Variants in USP34 observed in about 807,000 individuals in gnomAD.
USP34 encodes ubiquitin carboxyl-terminal hydrolase 34.
USP34 carries 70 observed loss-of-function variants against 460.3 expected under a neutral mutation model. That is an observed-to-expected ratio of 0.15 (90% CI 0.13 to 0.19). USP34 has a LOEUF of 0.19. Ranked by LOEUF, USP34 falls within the 10% of genes least tolerant of loss-of-function variation. USP34 has a pLI of 1.00. For missense variants in USP34, 3,985 were observed against 4,236.2 expected (o/e 0.94, Z 1.65); for synonymous variants, 1,647 against 1,405.3 (o/e 1.17, Z -3.85).
chr2:61,293,409 G>T, intron 33 of USP34, 55 bp downstream of exon 33: 1 of 1,340,016 alleles, frequency 7.5e-7, no homozygotes, highest in South Asian at 1.3e-5. Context: ...TGAAATGGAA[G>T]TATTTCAAAT....
intron 20 of USP34, among the ~76,000 whole-genome samples, chr2:61,327,735 G>A (rs1009650894): frequency 9.9e-5 from 15 of 152,056 alleles, no homozygotes; most frequent in African/African-American, 3.6e-4. Context: ...AGATCTCTGT[G>A]GGCTCCATCA....
intron 75 of USP34, among the ~76,000 whole-genome samples, chr2:61,202,686 T>C (rs928063068): frequency 2.0e-5 from 3 of 152,188 alleles, no homozygotes; most frequent in Non-Finnish European, 2.9e-5. Context: ...TAATTACTCA[T>C]ATATGCACCT....
In USP34 at chr2:61,257,115, T is replaced by C. The variant is rs766670539; in HGVS notation, c.5992-7A>G. The C allele has an allele frequency of 1.3e-6, 2 of 1,575,976 alleles. No homozygotes were observed. The highest frequency in any genetic ancestry group is 1.7e-6 in the Non-Finnish European group (2 of 1,166,192). On this transcript the variant is annotated splice_polypyrimidine_tract_variant and splice_region_variant and intron_variant, in intron 45 of 79. Transcript: ENST00000398571. Reference sequence around the variant, plus strand: ...AACTTTTGACGGTATTTTTCTTTAATATAAAACAAACAAAAAATAAGAAAC... The same window carrying C: ...AACTTTTGACGGTATTTTTCTTTAACATAAAACAAACAAAAAATAAGAAAC...
intron 2 of USP34, among the ~76,000 whole-genome samples, chr2:61,408,899 A>C (rs1035577100): frequency 6.6e-6 from 1 of 151,906 alleles, no homozygotes; most frequent in East Asian, 1.9e-4. Context: ...CCCTCTCAAA[A>C]AAACAAACAA....
intron 57 of USP34, 72 bp from the exon 58 acceptor site, chr2:61,232,604 G>T: frequency 1.7e-6 from 2 of 1,201,754 alleles, no homozygotes; most frequent in South Asian, 1.3e-5. Context: ...AGTCACATAA[G>T]AATTTTATTT....
intron 2 of USP34, among the ~76,000 whole-genome samples, chr2:61,413,669 A>C (rs551668929): frequency 7.5e-6 from 1 of 133,982 alleles, no homozygotes; most frequent in East Asian, 2.1e-4. Context: ...AAAAAAATTA[A>C]AAAAATAAAA....
At chr2:61,204,770 C>T (rs757507773) in intron 72 of USP34, among the ~76,000 whole-genome samples, 169 bp from the exon 73 acceptor site, 4 of 152,132 alleles carry the variant, frequency 2.6e-5, no homozygotes, top group Non-Finnish European at 5.9e-5. Flanking sequence ...AAGTTTAGAT[C>T]AACAGAGTTA....
intron 1 of USP34, among the ~76,000 whole-genome samples, chr2:61,465,080 G>C (rs536541394): frequency 6.6e-6 from 1 of 152,076 alleles, no homozygotes; most frequent in Non-Finnish European, 1.5e-5. Flanking sequence ...AAAGAAAATG[G>C]CAAGTCCAGT....
chr2:61,327,436 T>G (rs1405485225), intron 20 of USP34, among the ~76,000 whole-genome samples: 1 of 152,196 alleles, frequency 6.6e-6, no homozygotes, highest in African/African-American at 2.4e-5. Context: ...CTAGGCTTTT[T>G]AAGTTAAACA....
At chr2:61,333,448 A>G (rs964978595) in intron 19 of USP34, among the ~76,000 whole-genome samples, 4 of 152,016 alleles carry the variant, frequency 2.6e-5, no homozygotes, top group African/African-American at 9.7e-5. Context: ...AGCATTTCAG[A>G]TTTTAGATTT....
Position 61,339,547 on chromosome 2 carries a change from G to C in USP34, c.2616+19C>G. The stretch of plus-strand genomic sequence containing the variant: ...CTTGCTGAAATTTCTTACTCTTCTG[G>C]TTCTATTAAATAACTTACTGCATCT... On this transcript the variant is annotated intron_variant, in intron 17 of 79. Coordinates refer to ENST00000398571, the MANE Select transcript of USP34 (RefSeq NM_014709.4). 6.4e-7 allele frequency: 1 copy of C among 1,567,134 alleles called. No homozygotes were observed. Among genetic ancestry groups the C allele is most frequent in the Non-Finnish European group, 8.6e-7 (1 of 1,162,392 alleles).
At chr2:61,305,267 G>A (rs1220305447) in intron 27 of USP34, among the ~76,000 whole-genome samples, 1 of 151,936 alleles carries the variant, frequency 6.6e-6, no homozygotes, top group African/African-American at 2.4e-5. Flanking sequence ...AGGTTGCACT[G>A]AGCCGAGATT....
chr2:61,331,478 A>G (rs916238381), intron 19 of USP34, 107 bp from the exon 20 acceptor site: 4 of 867,520 alleles, frequency 4.6e-6, no homozygotes, highest in Non-Finnish European at 6.5e-6. Context: ...CAAATGTAAA[A>G]TTTTAGTTAC....
intron 2 of USP34, among the ~76,000 whole-genome samples, chr2:61,409,734 A>C (rs186799342): frequency 2.6e-5 from 4 of 152,184 alleles, no homozygotes; most frequent in Admixed American, 2.0e-4. Flanking sequence ...TAAATAAATA[A>C]AATAAGTGTT....
chr2:61,381,937 T>TA (rs904038567), intron 6 of USP34, among the ~76,000 whole-genome samples: 12 of 151,792 alleles, frequency 7.9e-5, no homozygotes, highest in African/African-American at 2.7e-4. Flanking sequence ...ACAGTACAAA[T>TA]AAAAAAAATT....
chr2:61,187,992 A>G lies in USP34; in HGVS notation c.*110T>C. ...GCCTATAAATCTATCTTGCCATTCA[A>G]GCAGAGAGCACTGGACAAACTGAAG... On this transcript the variant is annotated 3_prime_UTR_variant, in exon 80 of 80. Coordinates refer to ENST00000398571, the MANE Select transcript of USP34 (RefSeq NM_014709.4). 1 of 1,487,542 alleles carries G rather than the reference A, an allele frequency of 6.7e-7. No homozygotes were observed. Among genetic ancestry groups the G allele is most frequent in the Non-Finnish European group, 8.9e-7 (1 of 1,120,224 alleles). The allele number at this position is 1,487,542 out of a possible 1,614,324, so 92.1% of individuals were successfully genotyped here.
At chr2:61,381,262 T>C (rs575117336) in intron 6 of USP34, among the ~76,000 whole-genome samples, 1 of 147,652 alleles carries the variant, frequency 6.8e-6, no homozygotes, top group East Asian at 2.0e-4. Flanking sequence ...TAAAAAAAAA[T>C]AAAACACACA....
chr2:61,317,751 G>C lies in USP34; in HGVS notation c.3185C>G (p.Pro1062Arg). The C allele has an allele frequency of 6.2e-7, 1 of 1,613,808 alleles. No individual in the cohort carries two copies. The highest frequency in any genetic ancestry group is 8.5e-7 in the Non-Finnish European group (1 of 1,179,920). ...LFLEKMPQLK[P>R]ETISMTGLNL... ...TAAGCCAGTCATGCTAATTGTTTCAGGTTTTAGCTGGGGCATCTTTGGAAG... is the reference window on the plus strand; with the variant it reads ...TAAGCCAGTCATGCTAATTGTTTCACGTTTTAGCTGGGGCATCTTTGGAAG... Residue 1062 changes from proline to arginine, a missense_variant, in exon 23 of 80, where the codon CCT becomes CGT. Pro to Arg is a moderately radical substitution (Grantham distance 103, BLOSUM62 -2). Coordinates refer to ENST00000398571, the MANE Select transcript of USP34 (RefSeq NM_014709.4).
rs767786296 is a variant in USP34, at chr2:61,223,307, A to G, written c.7596-11T>C. 1.9e-6 allele frequency: 3 copies of G among 1,612,100 alleles called. No individual in the cohort carries two copies. Among genetic ancestry groups the G allele is most frequent in the African/African-American group, 1.3e-5 (1 of 74,844 alleles). On this transcript the variant is annotated splice_polypyrimidine_tract_variant and intron_variant, in intron 62 of 79. Transcript: ENST00000398571. ...GATAATGTCAAATGCCTGAAAGAAA[A>G]TATTAGTGGAAATAAGTTTTTCTTC...
Sources: allele counts gnomAD v4.1 joint callset (sites outside exome capture counted in the v4.1 genomes callset), GRCh38; gene constraint gnomAD v4.1.1; transcripts MANE v1.5; gene names NCBI Gene and HGNC (gene_info 2026-07-23, HGNC 2026-07-21).